VPS8: variants seen among roughly 807,000 people sequenced by gnomAD.
The protein encoded by VPS8 is vacuolar protein sorting-associated protein 8 homolog.
VPS8 carries 129 observed loss-of-function variants against 216.4 expected under a neutral mutation model. That is an observed-to-expected ratio of 0.60 (90% confidence interval 0.52 to 0.69). The LOEUF (loss-of-function observed/expected upper bound fraction) is 0.69. Among genes scored for constraint, VPS8 ranks in the 30% least tolerant of loss-of-function variants. The pLI is 0.00. For synonymous variants in VPS8, 571 were observed against 565.4 expected (o/e 1.01, Z -0.14); for missense variants, 1,531 against 1,683.5 (o/e 0.91, Z 1.59).
intron 46 of VPS8, among the ~76,000 whole-genome samples, chr3:185,031,661 A>G (rs972919772): frequency 3.9e-5 from 6 of 152,300 alleles, no homozygotes; most frequent in East Asian, 1.9e-4. Context: ...GTGGGTAGCT[A>G]CTATGTGAAT....
At chr3:184,826,021 A>T (rs1484187140) in intron 2 of VPS8, 142 bp from the exon 3 acceptor site, 1 of 620,792 alleles carries the variant, frequency 1.6e-6, no homozygotes, top group African/African-American at 1.9e-5. Flanking sequence ...TCTTGACTTG[A>T]TTATTACTGT....
chr3:184,829,362 C>T (rs1719502659), intron 3 of VPS8, among the ~76,000 whole-genome samples: 1 of 152,086 alleles, frequency 6.6e-6, no homozygotes, highest in Non-Finnish European at 1.5e-5. Context: ...TACCGGCATG[C>T]ACCACCATAC....
Position 184,870,760 on chromosome 3 carries a change from G to A in VPS8, c.1689G>A (p.Lys563=). Residue 563 remains lysine (K), a synonymous_variant, in exon 21 of 48, where the codon AAG becomes AAA. Transcript: ENST00000625842. ...LFHYADRALK[K]CPDQGKIQVM... ...ATTATGCAGATCGAGCTCTGAAAAAGTGCCCAGACCAAGGAAAAATCCAAG... is the reference window on the plus strand; with the variant it reads ...ATTATGCAGATCGAGCTCTGAAAAAATGCCCAGACCAAGGAAAAATCCAAG... 6.2e-7 allele frequency: 1 copy of A among 1,612,528 alleles called. No individual in the cohort carries two copies. Among genetic ancestry groups the A allele is most frequent in the Middle Eastern group, 1.7e-4 (1 of 6,058 alleles).
chr3:184,870,278 A>G (rs1728096399), intron 20 of VPS8, among the ~76,000 whole-genome samples: 1 of 152,190 alleles, frequency 6.6e-6, no homozygotes, highest in South Asian at 2.1e-4. Context: ...TTAATTGACT[A>G]TAGGATTCCC....
chr3:184,870,687 A>T (rs1728172741), intron 20 of VPS8, 29 bp from the exon 21 acceptor site: 1 of 1,540,960 alleles, frequency 6.5e-7, no homozygotes, highest in Non-Finnish European at 8.9e-7. Flanking sequence ...ATATATTTTA[A>T]TGTCTATGCC....
At chr3:184,882,565 C>CCTG in intron 21 of VPS8, 2 of 249,258 alleles carry the variant, frequency 8.0e-6, no homozygotes, top group Non-Finnish European at 1.6e-5. Flanking sequence ...CAGGGTAATA[C>CCTG]TAACTTAACA....
At chr3:184,894,507 CGT>C (rs1491161703) in intron 22 of VPS8, among the ~76,000 whole-genome samples, 194 bp from the exon 23 acceptor site, 54 of 91,930 alleles carry the variant, frequency 5.9e-4, no homozygotes, top group South Asian at 4.4e-3. Flanking sequence ...TATATACACA[CGT>C]ATATATATAT....
chr3:185,015,948 G>GA (rs1755723297), intron 45 of VPS8, among the ~76,000 whole-genome samples: 1 of 152,186 alleles, frequency 6.6e-6, no homozygotes, highest in Non-Finnish European at 1.5e-5. Context: ...TGCTGAGTTG[G>GA]AAAAATTAGC....
chr3:184,948,072 A>G (rs544425258), intron 36 of VPS8, among the ~76,000 whole-genome samples: 101 of 152,284 alleles, frequency 6.6e-4, no homozygotes, highest in Non-Finnish European at 1.1e-3. Flanking sequence ...CTTCTGAAAC[A>G]TAAGTTCTCT....
At chr3:185,048,008 C>A (rs199958200) in intron 46 of VPS8, among the ~76,000 whole-genome samples, 1 of 152,108 alleles carries the variant, frequency 6.6e-6, no homozygotes, top group East Asian at 1.9e-4. Context: ...AAGCAGCAGA[C>A]GAATCTTGCA....
intron 19 of VPS8, 111 bp from the exon 20 acceptor site, chr3:184,869,370 GT>G: frequency 9.0e-7 from 1 of 1,116,108 alleles, no homozygotes; most frequent in Non-Finnish European, 1.3e-6. Context: ...GCTAAGAATT[GT>G]TACAATTATA....
intron 37 of VPS8, among the ~76,000 whole-genome samples, chr3:184,959,636 G>A (rs1278091457): frequency 6.6e-6 from 1 of 152,048 alleles, no homozygotes; most frequent in Non-Finnish European, 1.5e-5. Flanking sequence ...TCAGTCCAGT[G>A]TAATTATTCT....
intron 36 of VPS8, among the ~76,000 whole-genome samples, chr3:184,944,041 GCACACACACA>G (rs57639626): frequency 6.7e-6 from 1 of 149,852 alleles, no homozygotes; most frequent in Admixed American, 6.6e-5. Flanking sequence ...GGCAGAGGTT[GCACACACACA>G]CACACACACA....
chr3:184,931,541 C>T (rs182360140), intron 34 of VPS8, among the ~76,000 whole-genome samples: 7 of 152,084 alleles, frequency 4.6e-5, no homozygotes, highest in Non-Finnish European at 8.8e-5. Flanking sequence ...TTTTAGTTCC[C>T]GAAGGTTGTA....
intron 37 of VPS8, among the ~76,000 whole-genome samples, chr3:184,960,620 C>T (rs1377377007): frequency 6.6e-6 from 1 of 152,156 alleles, no homozygotes; most frequent in Non-Finnish European, 1.5e-5. Flanking sequence ...TAATTTAGCA[C>T]ATCAGATAAG....
At chr3:184,857,931 G>T (rs904390272) in intron 14 of VPS8, among the ~76,000 whole-genome samples, 1 of 152,178 alleles carries the variant, frequency 6.6e-6, no homozygotes, top group African/African-American at 2.4e-5. Flanking sequence ...TAAGGGAGAA[G>T]TGATTTAGTG....
intron 45 of VPS8, among the ~76,000 whole-genome samples, chr3:185,012,720 A>G (rs1755198417): frequency 6.6e-6 from 1 of 152,162 alleles, no homozygotes; most frequent in African/African-American, 2.4e-5. Context: ...CTAAAAAGTA[A>G]GTTAATATGG....
Position 184,863,057 on chromosome 3 carries a change from G to A in VPS8, c.1385G>A (p.Ser462Asn), listed in dbSNP as rs1162928063. The change falls in exon 16 of 48, where the codon AGC becomes AAC. Residue 462 changes from serine (S) to asparagine (N), a missense_variant. Ser to Asn is a conservative substitution (Grantham distance 46). Transcript: ENST00000625842. ...TCACTAGCCACTGGAGGAAATGTTA[G>A]CCAGGCACTGGTAAGGATAATCACT... The part of the protein sequence containing the change: ...FKSLATGGNV[S>N]QALALVGEKA... The A allele has an allele frequency of 1.9e-6, 3 of 1,613,808 alleles. No individual in the cohort carries two copies. The highest frequency in any genetic ancestry group is 2.5e-6 in the Non-Finnish European group (3 of 1,179,754).
At chr3:184,871,620 G>A (rs114688233) in intron 21 of VPS8, among the ~76,000 whole-genome samples, 51 of 152,184 alleles carry the variant, frequency 3.4e-4, no homozygotes, top group African/African-American at 1.2e-3. Flanking sequence ...ACAGGCTATG[G>A]GCAGGATTTG....
Sources: allele counts gnomAD v4.1 joint callset (sites outside exome capture counted in the v4.1 genomes callset), GRCh38; gene constraint gnomAD v4.1.1; transcripts MANE v1.5; gene names NCBI Gene and HGNC (gene_info 2026-07-23, HGNC 2026-07-21).